SNRNP200: variants seen among roughly 807,000 people sequenced by gnomAD.
SNRNP200 encodes small nuclear ribonucleoprotein U5 subunit 200, also known as U5 small nuclear ribonucleoprotein 200 kDa helicase.
A neutral mutation model predicts 255.2 loss-of-function variants in SNRNP200; 66 were observed. The ratio of observed to expected loss-of-function variants is 0.26; its 90% CI spans 0.21 to 0.32. The LOEUF (loss-of-function observed/expected upper bound fraction) is 0.32, where lower values mean the gene tolerates loss of function less well. Among genes scored for constraint, SNRNP200 ranks in the 10% least tolerant of loss-of-function variants. The pLI is 1.00. For synonymous variants in SNRNP200, 939 were observed against 1,027.8 expected (o/e 0.91, Z 1.65); for missense variants, 1,585 against 2,749.8 (o/e 0.58, Z 9.47).
chr2:96,291,491 C>T lies in SNRNP200; in HGVS notation c.2322G>A (p.Leu774=). 6.2e-7 allele frequency: 1 copy of T among 1,609,520 alleles called. No individual in the cohort carries two copies. The highest frequency in any genetic ancestry group is 8.5e-7 in the Non-Finnish European group (1 of 1,175,804). ...CAAAGCCATAAGGCAGAAGATCCTTCAGCTCTAGGTTCTGTGGAACAAAGA... is the reference window on the plus strand; with the variant it reads ...CAAAGCCATAAGGCAGAAGATCCTTTAGCTCTAGGTTCTGTGGAACAAAGA... ...TEAEQCKNLE[L]KDLLPYGFAI... is the part of the protein sequence containing the mutation. Residue 774 remains leucine (L), a synonymous_variant, in exon 18 of 45, where the codon CTG becomes CTA. Transcript: ENST00000323853. This position sits in a 1 kb window ranked among gnomAD's most constrained non-coding sequence, Gnocchi z 4.2.
rs886056460 is a variant in SNRNP200 at position 96,287,013 on chromosome 2, T to C, written c.3632A>G (p.Asp1211Gly). The C allele has an allele frequency of 6.2e-7, 1 of 1,614,174 alleles. No individual in the cohort carries two copies. The highest frequency in any genetic ancestry group is 1.1e-5 in the South Asian group (1 of 91,082). Reference protein sequence around the residue: ...ELTITPDFQWDEKVHGSSEAF... With the variant: ...ELTITPDFQWGEKVHGSSEAF... ...TGCCCAGCAAAGCCTCACCTTTTCA[T>C]CCCACTGGAAGTCTGGCGTGATGGT... The change falls in exon 27 of 45, where the codon GAT becomes GGT. Residue 1211 changes from aspartate to glycine, a missense_variant. By Grantham distance (94) the Asp-to-Gly change is moderately conservative. Around this residue, in one of 9 missense-constraint regions of SNRNP200, gnomAD observed 719 missense variants for 1,091.1 expected, o/e 0.66. Coordinates refer to ENST00000323853, the MANE Select transcript of SNRNP200 (RefSeq NM_014014.5). The surrounding 1 kb of genome is among the most constrained non-coding windows in gnomAD (Gnocchi z 5.7).
intron 24 of SNRNP200, among the ~76,000 whole-genome samples, chr2:96,288,347 A>G (rs1245939254): frequency 3.3e-5 from 5 of 152,194 alleles, no homozygotes; most frequent in Non-Finnish European, 7.3e-5. Context: ...TTTATTTATG[A>G]GCTGTGCAGC....
At chr2:96,295,153 G>A (rs1243214955) in intron 14 of SNRNP200, among the ~76,000 whole-genome samples, 1 of 152,194 alleles carries the variant, frequency 6.6e-6, no homozygotes, top group Non-Finnish European at 1.5e-5. Context: ...AGGCTGCAGT[G>A]AGCCAAGATC....
chr2:96,283,533 A>C lies in SNRNP200; in HGVS notation c.4763+2T>G. The stretch of plus-strand genomic sequence containing the variant: ...AACCCCCAGACGCCAGGCCCCACCT[A>C]CCTCTGCCGTTGGATGTCTGCTGCA... On this transcript the variant is annotated splice_donor_variant, in intron 33 of 44. Transcript: ENST00000323853. LOFTEE classifies it high-confidence loss of function. The surrounding 1 kb of genome is among the most constrained non-coding windows in gnomAD (Gnocchi z 4.7). 1 of 1,613,346 alleles carries C rather than the reference A, an allele frequency of 6.2e-7. No homozygotes were observed. Among genetic ancestry groups the C allele is most frequent in the Non-Finnish European group, 8.5e-7 (1 of 1,179,842 alleles).
At chr2:96,293,644 C>T in intron 14 of SNRNP200, 135 bp from the exon 15 acceptor site, 1 of 753,816 alleles carries the variant, frequency 1.3e-6, no homozygotes, top group Non-Finnish European at 2.2e-6. Flanking sequence ...CCACAGATGC[C>T]CAAAGGATGG....
In SNRNP200 at chr2:96,304,863, C is replaced by G; in HGVS notation, c.51G>C (p.Ser17=). The change falls in exon 2 of 45, where the codon TCG becomes TCC. Residue 17 remains serine (S), a synonymous_variant. Transcript: ENST00000323853. ...RSLQYEYKAN[S]NLVLQADRSL... ...AACGGTCAGCTTGGAGCACAAGATTCGAGTTCTGAAAAGATCAAAACATTA... is the reference window on the plus strand; with the variant it reads ...AACGGTCAGCTTGGAGCACAAGATTGGAGTTCTGAAAAGATCAAAACATTA... The G allele has an allele frequency of 1.2e-6, 2 of 1,614,044 alleles. No homozygotes were observed. The highest frequency in any genetic ancestry group is 1.7e-6 in the Non-Finnish European group (2 of 1,179,982).
Position 96,286,534 on chromosome 2 carries a change from C to G in SNRNP200, c.3830-50G>C. 6.2e-7 allele frequency: 1 copy of G among 1,608,454 alleles called. No homozygotes were observed. Among genetic ancestry groups the G allele is most frequent in the Non-Finnish European group, 8.5e-7 (1 of 1,176,442 alleles). ...TATAAGCACTGCTCTCTTTCCCTCA[C>G]TGGCCTCTAGATCCCCTCCATGAAC... On this transcript the variant is annotated intron_variant, in intron 28 of 44. Transcript: ENST00000323853. This position sits in a 1 kb window ranked among gnomAD's most constrained non-coding sequence, Gnocchi z 4.8.
At chr2:96,298,516 A>C in intron 8 of SNRNP200, 87 bp downstream of exon 8, 1 of 1,610,044 alleles carries the variant, frequency 6.2e-7, no homozygotes, top group Non-Finnish European at 8.5e-7. Flanking sequence ...AGAAACAAGC[A>C]CTTAGGCTGT....
intron 30 of SNRNP200, 56 bp from the exon 31 acceptor site, chr2:96,284,641 C>G: frequency 2.4e-6 from 3 of 1,271,700 alleles, no homozygotes; most frequent in Non-Finnish European, 3.4e-6. Context: ...GCATCTTTCA[C>G]TTATGTGAGG....
rs535125883 is a variant in SNRNP200, at chr2:96,283,480, G to A, written c.4763+55C>T. ...CCCTCATAAAGAGGACACCCTTGGA[G>A]TAGGCCAGCCTCACTTAACCTAACC... On this transcript the variant is annotated intron_variant, in intron 33 of 44. Coordinates refer to ENST00000323853, the MANE Select transcript of SNRNP200 (RefSeq NM_014014.5). The surrounding 1 kb of genome is among the most constrained non-coding windows in gnomAD (Gnocchi z 4.7). The A allele has an allele frequency of 6.2e-7, 1 of 1,613,148 alleles. No homozygotes were observed. The highest frequency in any genetic ancestry group is 1.3e-5 in the African/African-American group (1 of 74,906).
At chr2:96,304,601 T>C in intron 2 of SNRNP200, 104 bp downstream of exon 2, 1 of 1,475,656 alleles carries the variant, frequency 6.8e-7, no homozygotes, top group South Asian at 1.1e-5. Flanking sequence ...ATTGTTTTAA[T>C]GCCACTGATC....
chr2:96,281,738 C>T, intron 35 of SNRNP200, 76 bp downstream of exon 35: 1 of 1,169,568 alleles, frequency 8.6e-7, no homozygotes, highest in Non-Finnish European at 1.3e-6. Context: ...TCCTAGCTTA[C>T]TTTCTGTGTA....
intron 16 of SNRNP200, 113 bp from the exon 17 acceptor site, chr2:96,292,013 G>A: frequency 8.5e-7 from 1 of 1,173,076 alleles, no homozygotes. Flanking sequence ...CCTGGAGAGG[G>A]GCAAGGGCAG....
In SNRNP200 at chr2:96,274,499, C is replaced by T; in HGVS notation, c.*513G>A. ...TAGCTTCCGAGGCTCAGTGTTGGTT[C>T]TTGTGGTAGTGCTGATGTGTGGGTA... is the stretch of plus-strand genomic sequence containing the variant. On this transcript the variant is annotated 3_prime_UTR_variant, in exon 45 of 45. Transcript: ENST00000323853. 5.5e-6 allele frequency: 1 copy of T among 182,378 alleles called. No homozygotes were observed. Among genetic ancestry groups the T allele is most frequent in the East Asian group, 1.4e-4 (1 of 7,198 alleles). 11.3% of individuals were successfully genotyped at this position (182,378 alleles called of 1,614,324 possible).
chr2:96,282,716 T>A, intron 34 of SNRNP200: 1 of 282,338 alleles, frequency 3.5e-6, no homozygotes, highest in South Asian at 3.7e-5. Context: ...TCCTGACTCC[T>A]GCCATATAAG....
chr2:96,287,308 C>T lies in SNRNP200; in HGVS notation c.3484+131G>A, dbSNP rs1246489478. 4 of 1,211,696 alleles carry T rather than the reference C, an allele frequency of 3.3e-6. No individual in the cohort carries two copies. Among genetic ancestry groups the T allele is most frequent in the African/African-American group, 1.5e-5 (1 of 67,122 alleles). 75.1% of individuals were successfully genotyped at this position (1,211,696 alleles called of 1,614,324 possible). ...TCCAAGTCCCCAGACCAAGGGCCAG[C>T]CTGTACTTCAGTGGGACTTGGGGAG... is the stretch of plus-strand genomic sequence containing the variant. On this transcript the variant is annotated intron_variant, in intron 26 of 44. Transcript: ENST00000323853. The surrounding 1 kb of genome is among the most constrained non-coding windows in gnomAD (Gnocchi z 5.7).
Position 96,286,505 on chromosome 2 carries a change from A to G in SNRNP200, c.3830-21T>C. 2.5e-6 allele frequency: 4 copies of G among 1,613,674 alleles called. No homozygotes were observed. Among genetic ancestry groups the G allele is most frequent in the Non-Finnish European group, 2.5e-6 (3 of 1,179,930 alleles). On this transcript the variant is annotated intron_variant, in intron 28 of 44. Transcript: ENST00000323853. The surrounding 1 kb of genome is among the most constrained non-coding windows in gnomAD (Gnocchi z 4.8). The stretch of plus-strand genomic sequence containing the variant: ...ACAAGCTGCCAGAAAAGAAACAGGA[A>G]GGATATAAGCACTGCTCTCTTTCCC...
At position 96,297,651 on chromosome 2, in the gene SNRNP200, C is replaced by T; in HGVS notation, c.1189G>A (p.Asp397Asn). The change falls in exon 10 of 45, where the codon GAC (aspartate) becomes AAC (asparagine). Residue 397 changes from aspartate to asparagine, a missense_variant. Coordinates refer to ENST00000323853, the MANE Select transcript of SNRNP200 (RefSeq NM_014014.5). Reference protein sequence around the residue: ...MDTDLETMDLDQGGEALAPRQ... With the variant: ...MDTDLETMDLNQGGEALAPRQ... ...CTGGATCCTACCTCTCCACCCTGGT[C>T]GAGATCCATGGTTTCCAGATCTGTG... The T allele has an allele frequency of 2.5e-6, 4 of 1,614,212 alleles. No homozygotes were observed. Among genetic ancestry groups the T allele is most frequent in the East Asian group, 2.2e-5 (1 of 44,892 alleles).
intron 16 of SNRNP200, 36 bp downstream of exon 16, chr2:96,292,936 A>G: frequency 6.2e-7 from 1 of 1,611,272 alleles, no homozygotes. Context: ...ATTCGAAAGA[A>G]TGGGGTTCAA....
Sources: allele counts gnomAD v4.1 joint callset (sites outside exome capture counted in the v4.1 genomes callset), GRCh38; gene constraint gnomAD v4.1.1; regional missense constraint gnomAD v4.1.1; non-coding constraint Gnocchi (gnomAD v3.1); transcripts MANE v1.5; gene names NCBI Gene and HGNC (gene_info 2026-07-23, HGNC 2026-07-21).